The following SEMA4G variants were observed in gnomAD, a reference collection of about 807,000 sequenced individuals.
The protein encoded by SEMA4G is semaphorin-4G.
SEMA4G carries 59 observed loss-of-function variants against 81.2 expected under a neutral mutation model. The ratio of observed to expected loss-of-function variants is 0.73; its 90% CI spans 0.59 to 0.90. SEMA4G has a LOEUF of 0.90. Ranked by LOEUF, SEMA4G falls within the 40% of genes least tolerant of loss-of-function variation. The pLI is 0.00. For synonymous variants in SEMA4G, 404 were observed against 433.9 expected (o/e 0.93, Z 0.86); for missense variants, 952 against 1,102.3 (o/e 0.86, Z 1.93).
At chr10:100,978,092 C>T in intron 4 of SEMA4G, 1 of 586,876 alleles carries the variant, frequency 1.7e-6, no homozygotes, top group Non-Finnish European at 3.0e-6. Context: ...TGGCCACTTG[C>T]AGATTTGGAA....
chr10:100,971,309 A>G (rs1850625430), upstream of SEMA4G, among the ~76,000 whole-genome samples: 1 of 152,220 alleles, frequency 6.6e-6, no homozygotes, highest in Non-Finnish European at 1.5e-5. Flanking sequence ...TCCCAAAGGT[A>G]AACAGGTGTG....
chr10:100,977,816 C>T, intron 4 of SEMA4G, 86 bp downstream of exon 5: 1 of 1,168,748 alleles, frequency 8.6e-7, no homozygotes. Context: ...AGACTCAGAG[C>T]CAGTGAAGGA....
At position 100,977,541 on chromosome 10, in the gene SEMA4G, T is replaced by A. The variant is rs542454474; in HGVS notation, c.337-91T>A. ...TGGAAAGAACCGTTTGTCCTGTGGG[T>A]GGGGGCAAGAGCCAAACTACAAAGC... is the stretch of plus-strand genomic sequence containing the variant. On this transcript the variant is annotated intron_variant, in intron 3 of 13. Coordinates refer to ENST00000370250, the Ensembl canonical transcript of SEMA4G. 9 of 945,536 alleles carry A rather than the reference T, an allele frequency of 9.5e-6. No homozygotes were observed. In the Admixed American group the frequency reaches 1.5e-4, roughly 16 times the overall value. 58.6% of individuals were successfully genotyped at this position (945,536 alleles called of 1,614,324 possible).
At chr10:100,982,229 AG>A (rs1366335319) in intron 13 of SEMA4G, among the ~76,000 whole-genome samples, 1 of 152,036 alleles carries the variant, frequency 6.6e-6, no homozygotes, top group African/African-American at 2.4e-5. Context: ...CAGCAGGCAG[AG>A]GGAGGCTGGC....
intron 3 of SEMA4G, among the ~76,000 whole-genome samples, chr10:100,975,398 A>C (rs1850745162): frequency 6.6e-6 from 1 of 152,182 alleles, no homozygotes; most frequent in Non-Finnish European, 1.5e-5. Flanking sequence ...TAATTTTCAA[A>C]GGAGGGGTTT....
exon 14 of SEMA4G, chr10:100,983,426 C>T (rs764701072): frequency 8.1e-6 from 13 of 1,613,402 alleles, no homozygotes; most frequent in Admixed American, 3.3e-5. Context: ...TGGGCCTGAG[C>T]GATGGGCAGG....
chr10:100,977,917 C>T (rs1451589669), intron 4 of SEMA4G, 187 bp downstream of exon 5: 1 of 598,612 alleles, frequency 1.7e-6, no homozygotes. Flanking sequence ...AAAAACCATG[C>T]AGTTTTTATA....
intron 3 of SEMA4G, among the ~76,000 whole-genome samples, chr10:100,974,333 C>T (rs557097240): frequency 2.6e-5 from 4 of 152,028 alleles, no homozygotes; most frequent in East Asian, 2.0e-4. Flanking sequence ...AGTATGCTGG[C>T]GTGCACCTGT....
downstream of SEMA4G, chr10:100,984,990 A>G: frequency 2.3e-6 from 3 of 1,319,100 alleles, no homozygotes; most frequent in Non-Finnish European, 3.0e-6. Context: ...TGCACCTCTG[A>G]GCCTCCCTTG....
chr10:100,978,643 TAGG>T lies in SEMA4G; in HGVS notation c.643+8_643+10del, dbSNP rs754693020. On this transcript the variant is annotated splice_donor_5th_base_variant and intron_variant, in intron 6 of 13. Coordinates refer to ENST00000370250, the Ensembl canonical transcript of SEMA4G. ...GACACCAATGCATTGGCTCAATGGT[TAGG>T]AGGATGAGGCACAGGATGATGGGGG... 1.2e-6 allele frequency: 2 copies of T among 1,612,236 alleles called. No homozygotes were observed. The highest frequency in any genetic ancestry group is 2.7e-5 in the African/African-American group (2 of 74,848).
At chr10:100,979,149 C>T in exon 8 of SEMA4G, 4 of 1,614,204 alleles carry the variant, frequency 2.5e-6, no homozygotes, top group Non-Finnish European at 3.4e-6. Context: ...GGACTTCCTT[C>T]CTGAAAGCCC....
chr10:100,980,549 G>A (rs751891606), intron 10 of SEMA4G, 29 bp from the exon 12 acceptor site: 1 of 1,581,534 alleles, frequency 6.3e-7, no homozygotes, highest in Non-Finnish European at 8.7e-7. Flanking sequence ...CCATAGTTGG[G>A]GTCTAACTCT....
At position 100,973,480 on chromosome 10, in the gene SEMA4G, T is replaced by C. The variant is rs1038257623; in HGVS notation, c.274-67T>C. ...ATTTCCCCAACTCTGTGGGGTCCTA[T>C]TGCCTGGTCCTATGAGTAATAGGTA... On this transcript the variant is annotated intron_variant, in intron 2 of 13. Coordinates refer to ENST00000370250, the Ensembl canonical transcript of SEMA4G. This position sits in a 1 kb window ranked among gnomAD's most constrained non-coding sequence, Gnocchi z 5.5. The C allele has an allele frequency of 1.3e-6, 2 of 1,541,894 alleles. No individual in the cohort carries two copies. Among genetic ancestry groups the C allele is most frequent in the African/African-American group, 1.4e-5 (1 of 73,248 alleles).
At chr10:100,972,829 G>A in exon 1 of SEMA4G, 1 of 1,469,894 alleles carries the variant, frequency 6.8e-7, no homozygotes, top group Non-Finnish European at 9.2e-7. Flanking sequence ...TGACCCCTGT[G>A]ACTGTGCTTC....
chr10:100,981,464 T>TA, intron 13 of SEMA4G: 1 of 1,614,192 alleles, frequency 6.2e-7, no homozygotes, highest in Middle Eastern at 1.6e-4. Flanking sequence ...TTCTGGAGCT[T>TA]ATAGCCAAGT....
Position 100,973,065 on chromosome 10 carries a change from G to A in SEMA4G, c.124+29G>A, listed in dbSNP as rs905766770. 2 of 1,614,036 alleles carry A rather than the reference G, an allele frequency of 1.2e-6. No individual in the cohort carries two copies. The highest frequency in any genetic ancestry group is 2.7e-5 in the African/African-American group (2 of 74,914). On this transcript the variant is annotated intron_variant, in intron 1 of 13. Transcript: ENST00000370250. This position sits in a 1 kb window ranked among gnomAD's most constrained non-coding sequence, Gnocchi z 5.5. The stretch of plus-strand genomic sequence containing the variant: ...AGACCCTCAACCTCAAAAGGCAGCA[G>A]AAGCCAGGGCTGGGGGTGGGGAGGC...
chr10:100,978,388 G>T, exon 5 of SEMA4G: 2 of 1,612,302 alleles, frequency 1.2e-6, no homozygotes, highest in South Asian at 1.1e-5. Context: ...CCTCATCATT[G>T]GTGAGCAGGC....
exon 14 of SEMA4G, chr10:100,984,085 G>A (rs1263267741): frequency 6.2e-7 from 1 of 1,613,610 alleles, no homozygotes; most frequent in African/African-American, 1.3e-5. Flanking sequence ...CTGGAAAAAA[G>A]GAAGCACACG....
chr10:100,981,500 T>A, intron 13 of SEMA4G: 1 of 1,614,186 alleles, frequency 6.2e-7, no homozygotes. Context: ...TTCAGGACGG[T>A]AATGGGTATT....
Sources: allele counts gnomAD v4.1 joint callset (sites outside exome capture counted in the v4.1 genomes callset), GRCh38; gene constraint gnomAD v4.1.1; non-coding constraint Gnocchi (gnomAD v3.1); transcripts MANE v1.5; gene names NCBI Gene and HGNC (gene_info 2026-07-23, HGNC 2026-07-21).